Variants in CDH18 observed in about 807,000 individuals in gnomAD.
CDH18 encodes cadherin-18.
CDH18 carries 31 observed loss-of-function variants against 67.9 expected under a neutral mutation model. That is an observed-to-expected ratio of 0.46 (90% CI 0.34 to 0.62). CDH18 has a LOEUF of 0.62. Ranked by LOEUF, CDH18 falls within the 20% of genes least tolerant of loss-of-function variation. The pLI is 0.01. For synonymous variants in CDH18, 362 were observed against 347.2 expected (o/e 1.04, Z -0.48); for missense variants, 890 against 975.5 (o/e 0.91, Z 1.17).
chr5:20,467,721 G>A (rs1358191502), intron 1 of CDH18, among the ~76,000 whole-genome samples: 3 of 151,976 alleles, frequency 2.0e-5, no homozygotes, highest in African/African-American at 7.2e-5. Flanking sequence ...GAATGGATGT[G>A]GTATGACAAG....
At chr5:20,281,238 T>A (rs1437328351) in intron 1 of CDH18, among the ~76,000 whole-genome samples, 5 of 152,314 alleles carry the variant, frequency 3.3e-5, no homozygotes, top group Admixed American at 2.6e-4. Flanking sequence ...AATTCTGGCT[T>A]TTGTTGCCAT....
chr5:19,472,698 A>G lies in CDH18; in HGVS notation c.*528T>C, dbSNP rs1048918802. 6.6e-5 allele frequency among the ~76,000 whole-genome samples: 10 copies of G among 152,104 alleles called. No homozygotes were observed. Among genetic ancestry groups the G allele is most frequent in the Non-Finnish European group, 1.5e-4 (10 of 68,026 alleles). On this transcript the variant is annotated 3_prime_UTR_variant, in exon 13 of 13. Coordinates refer to ENST00000382275, the MANE Select transcript of CDH18 (RefSeq NM_004934.5). ...CATACAAGTCCATGATAGAGTGGAA[A>G]TACCTCATGTAATATAAACACAAGA...
At chr5:19,926,729 T>C (rs952771228) in intron 2 of CDH18, among the ~76,000 whole-genome samples, 9 of 152,128 alleles carry the variant, frequency 5.9e-5, no homozygotes. Flanking sequence ...GAAATTTTCT[T>C]CTGCTACCCA....
At chr5:20,201,747 T>C (rs2126757236) in intron 2 of CDH18, among the ~76,000 whole-genome samples, 1 of 152,282 alleles carries the variant, frequency 6.6e-6, no homozygotes, top group South Asian at 2.1e-4. Context: ...AACTTGATTT[T>C]CCAGTATATT....
intron 1 of CDH18, among the ~76,000 whole-genome samples, 153 bp downstream of exon 1, chr5:19,987,933 C>T (rs34590880): frequency 0.016 from 2,477 of 152,222 alleles, 30 homozygotes; most frequent in Non-Finnish European, 0.025. Flanking sequence ...GCATTAGCTA[C>T]AACTTTCCCC....
intron 1 of CDH18, among the ~76,000 whole-genome samples, chr5:20,420,399 G>A (rs1747769123): frequency 6.6e-6 from 1 of 151,050 alleles, no homozygotes; most frequent in Non-Finnish European, 1.5e-5. Flanking sequence ...ATACCAACAA[G>A]TGGAAAAATC....
intron 6 of CDH18, among the ~76,000 whole-genome samples, chr5:19,609,218 T>C (rs999072201): frequency 1.3e-5 from 2 of 151,958 alleles, no homozygotes; most frequent in African/African-American, 4.8e-5. Flanking sequence ...ACATCGTTTG[T>C]GTACTTTGAG....
intron 5 of CDH18, among the ~76,000 whole-genome samples, chr5:19,664,349 C>A (rs1021916235): frequency 6.6e-6 from 1 of 151,808 alleles, no homozygotes; most frequent in African/African-American, 2.4e-5. Flanking sequence ...AAACTCATCA[C>A]CCCTGTAATT....
In CDH18 at chr5:20,537,649, A is replaced by G. The variant is rs151263348; in HGVS notation, c.-580+37813T>C. ...ATATCTGTAAGTCATAAAAAACTCA[A>G]AGTCTTACTATTCAAACACTGAACA... On this transcript the variant is annotated intron_variant, in intron 1 of 14. Coordinates refer to the CDH18 transcript ENST00000507958. Among the ~76,000 whole-genome samples the G allele has an allele frequency of 2.1e-4, 32 of 152,262 alleles. 1 individual carries two copies. The East Asian group carries it at 6.2e-3, about 29-fold the overall frequency.
intron 1 of CDH18, among the ~76,000 whole-genome samples, chr5:20,518,801 G>T (rs1340201377): frequency 6.6e-6 from 1 of 152,102 alleles, no homozygotes; most frequent in Non-Finnish European, 1.5e-5. Flanking sequence ...CAAGAGTATG[G>T]AAAGTGTTTC....
chr5:19,802,669 A>C (rs1397856332), intron 3 of CDH18, among the ~76,000 whole-genome samples: 1 of 152,128 alleles, frequency 6.6e-6, no homozygotes, highest in Non-Finnish European at 1.5e-5. Flanking sequence ...CTCTATTGTG[A>C]AACTTTTGGT....
intron 1 of CDH18, among the ~76,000 whole-genome samples, chr5:20,269,483 G>A (rs1326303933): frequency 6.6e-6 from 1 of 152,042 alleles, no homozygotes; most frequent in East Asian, 1.9e-4. Flanking sequence ...ATATCCATCA[G>A]TGTTTAAATA....
At chr5:20,555,612 G>C (rs1031334806) in intron 1 of CDH18, among the ~76,000 whole-genome samples, 2 of 151,084 alleles carry the variant, frequency 1.3e-5, no homozygotes, top group African/African-American at 4.9e-5. Flanking sequence ...ACACAGACAA[G>C]CTTTTCTTAA....
intron 1 of CDH18, among the ~76,000 whole-genome samples, chr5:20,515,867 A>C (rs1755337857): frequency 6.6e-6 from 1 of 152,064 alleles, no homozygotes; most frequent in African/African-American, 2.4e-5. Flanking sequence ...TTACAAGTCT[A>C]TCATCAGCAG....
chr5:20,518,660 A>G (rs902130837), intron 1 of CDH18, among the ~76,000 whole-genome samples: 2 of 152,148 alleles, frequency 1.3e-5, no homozygotes, highest in African/African-American at 2.4e-5. Flanking sequence ...CCAAAAGTAC[A>G]CTATTAAGGA....
At chr5:19,873,593 G>A (rs1159802806) in intron 2 of CDH18, among the ~76,000 whole-genome samples, 1 of 152,080 alleles carries the variant, frequency 6.6e-6, no homozygotes, top group East Asian at 1.9e-4. Context: ...GGAAACCTAA[G>A]TTAAAAATGA....
chr5:20,038,583 T>A (rs1251499592), intron 2 of CDH18, among the ~76,000 whole-genome samples: 1 of 152,026 alleles, frequency 6.6e-6, no homozygotes. Flanking sequence ...AACAACCCAA[T>A]GACAAAAGCC....
At chr5:20,287,711 C>T (rs1354757955) in intron 1 of CDH18, among the ~76,000 whole-genome samples, 2 of 151,628 alleles carry the variant, frequency 1.3e-5, no homozygotes, top group African/African-American at 2.4e-5. Context: ...CAATTGAAAA[C>T]ATTAGCTGGT....
chr5:20,443,297 T>C (rs1749770208), intron 1 of CDH18, among the ~76,000 whole-genome samples: 1 of 151,722 alleles, frequency 6.6e-6, no homozygotes, highest in Non-Finnish European at 1.5e-5. Flanking sequence ...AACAATGTTT[T>C]ATGTTCTTGC....
Sources: gnomAD v4.1 joint callset for allele counts (sites outside exome capture counted in the v4.1 genomes callset) on GRCh38, gnomAD v4.1.1 for gene constraint, MANE v1.5 for transcripts, NCBI Gene and HGNC (gene_info 2026-07-23, HGNC 2026-07-21) for gene names.